The following NOP14 variants were observed in gnomAD, a reference collection of about 807,000 sequenced individuals.
NOP14 encodes NOP14 nucleolar protein, also known as nucleolar protein 14.
NOP14 carries 57 observed loss-of-function variants against 101.6 expected under a neutral mutation model. The ratio of observed to expected loss-of-function variants is 0.56; its 90% CI spans 0.45 to 0.70. NOP14 has a LOEUF of 0.70. NOP14 is among the 30% of genes least tolerant of loss of function. The pLI is 0.00. For synonymous variants in NOP14, 428 were observed against 424.0 expected (o/e 1.01, Z -0.12); for missense variants, 1,134 against 1,075.5 (o/e 1.05, Z -0.76).
In NOP14 at chr4:2,948,206, A is replaced by G; in HGVS notation, c.1413+72T>C. ...GCACACATGGCCGTTGCACAACTTC[A>G]CACAATTCTGGCATTCATATACGGG... is the stretch of plus-strand genomic sequence containing the variant. On this transcript the variant is annotated intron_variant, in intron 9 of 17. Coordinates refer to ENST00000416614, the MANE Select transcript of NOP14 (RefSeq NM_001291978.2). 8 of 1,504,080 alleles carry G rather than the reference A, an allele frequency of 5.3e-6. No homozygotes were observed. In the South Asian group the frequency reaches 1.1e-4, roughly 21 times the overall value. The allele number at this position is 1,504,080 out of a possible 1,614,324, so 93.2% of individuals were successfully genotyped here. A position where few individuals can be genotyped will look rare whatever the true frequency, so the allele number is the denominator to read the frequency against.
At chr4:2,957,505 G>T in intron 2 of NOP14, 101 bp downstream of exon 2, 1 of 1,415,648 alleles carries the variant, frequency 7.1e-7, no homozygotes, top group Non-Finnish European at 9.7e-7. Context: ...GACCTTCCGA[G>T]TGCCCAGGAA....
chr4:2,954,420 C>T lies in NOP14; in HGVS notation c.612+4G>A, dbSNP rs1715210934. 7 of 1,613,752 alleles carry T rather than the reference C, an allele frequency of 4.3e-6. No homozygotes were observed. The Admixed American group carries it at 8.3e-5, about 19-fold the overall frequency. ...AAGATGATCAAGAACACTCACTAAC[C>T]CACCTTCTCTTGTTTTGACTTGGCA... is the stretch of plus-strand genomic sequence containing the variant. On this transcript the variant is annotated splice_donor_region_variant and intron_variant, in intron 4 of 17. Coordinates refer to ENST00000416614, the MANE Select transcript of NOP14 (RefSeq NM_001291978.2).
intron 4 of NOP14, 99 bp from the exon 5 acceptor site, chr4:2,953,744 A>G: frequency 6.7e-6 from 9 of 1,347,872 alleles, no homozygotes; most frequent in Non-Finnish European, 9.2e-6. Flanking sequence ...GTGATCACTC[A>G]GTTGGCACCA....
intron 15 of NOP14, chr4:2,941,364 G>A: frequency 1.8e-6 from 1 of 554,670 alleles, no homozygotes; most frequent in Non-Finnish European, 3.2e-6. Context: ...ACAGTTCCCA[G>A]CTGCCGCCTG....
Position 2,939,539 on chromosome 4 carries a change from C to T in NOP14, c.2306G>A (p.Arg769Gln), listed in dbSNP as rs79615184. 812 of 1,613,758 alleles carry T rather than the reference C, an allele frequency of 5.0e-4. 8 individuals carry two copies. The East Asian group carries it at 0.014, about 28-fold the overall frequency. Residue 769 changes from arginine to glutamine, a missense_variant, in exon 16 of 18, where the codon CGG becomes CAG. Coordinates refer to ENST00000416614, the MANE Select transcript of NOP14 (RefSeq NM_001291978.2). Reference sequence around the variant, plus strand: ...TGCCAGCACCCACACTTTGACCAGCCGGGGTGTGAAAAGCTTCAGTGGGAC... The same window carrying T: ...TGCCAGCACCCACACTTTGACCAGCTGGGGTGTGAAAAGCTTCAGTGGGAC... The part of the protein sequence containing the change: ...KPVPLKLFTP[R>Q]LVKVLEFGRK...
intron 1 of NOP14, among the ~76,000 whole-genome samples, chr4:2,961,075 T>C (rs1464120366): frequency 2.4e-4 from 28 of 114,582 alleles, no homozygotes; most frequent in South Asian, 9.9e-4. Flanking sequence ...ATATTAATAC[T>C]ATATTAATAT....
rs185684679 is a variant in NOP14, at chr4:2,957,191, G to A, written c.331-380C>T. Among the ~76,000 whole-genome samples the A allele has an allele frequency of 5.1e-3, 781 of 152,196 alleles. 4 individuals are homozygous for A. The highest frequency in any genetic ancestry group is 8.5e-3 in the Non-Finnish European group (580 of 67,992). On this transcript the variant is annotated intron_variant, in intron 2 of 17. Transcript: ENST00000416614. ...TAATTTTTGTATTTTTAGTAGAGACGGGGTTTCATCACGTTGGCCAGGATG... is the reference window on the plus strand; with the variant it reads ...TAATTTTTGTATTTTTAGTAGAGACAGGGTTTCATCACGTTGGCCAGGATG...
At chr4:2,953,301 A>AAG (rs985953887) in intron 5 of NOP14, among the ~76,000 whole-genome samples, 3 of 152,206 alleles carry the variant, frequency 2.0e-5, no homozygotes, top group African/African-American at 7.2e-5. Flanking sequence ...CACTTTTTTC[A>AAG]GTTTAATTCA....
rs1714658775 is a variant in NOP14, at chr4:2,946,531, A to C, written c.1516T>G (p.Cys506Gly). The change falls in exon 11 of 18, where the codon TGC (cysteine) becomes GGC (glycine). Residue 506 changes from cysteine (C) to glycine (G), a missense_variant. Cys to Gly is a radical substitution (Grantham distance 159). Coordinates refer to ENST00000416614, the MANE Select transcript of NOP14 (RefSeq NM_001291978.2). ...DKLVVHLYHL[C>G]QMFPESASDA... ...CTTGCAGATTCAGGAAACATCTGGCAAAGATGATATAAGTGCCTGTTAAGC... is the reference window on the plus strand; with the variant it reads ...CTTGCAGATTCAGGAAACATCTGGCCAAGATGATATAAGTGCCTGTTAAGC... The C allele has an allele frequency of 5.0e-6, 8 of 1,614,098 alleles. No homozygotes were observed. In the South Asian group the frequency reaches 8.8e-5, roughly 18 times the overall value.
rs1317829372 is a variant in NOP14 at position 2,950,218 on chromosome 4, C to G, written c.1003-5G>C. On this transcript the variant is annotated splice_polypyrimidine_tract_variant and splice_region_variant and intron_variant, in intron 7 of 17. Transcript: ENST00000416614. The stretch of plus-strand genomic sequence containing the variant: ...CTCGACATTCATCTTTCCATCCTAC[C>G]AAGAGCGTGGAAACCACAGGGCATG... 6.2e-7 allele frequency: 1 copy of G among 1,612,898 alleles called. No homozygotes were observed. Among genetic ancestry groups the G allele is most frequent in the Non-Finnish European group, 8.5e-7 (1 of 1,179,942 alleles).
chr4:2,960,073 A>G (rs570157668), intron 1 of NOP14, among the ~76,000 whole-genome samples: 5 of 151,958 alleles, frequency 3.3e-5, no homozygotes, highest in Non-Finnish European at 7.4e-5. Context: ...GGGTTCAAGC[A>G]ATTCTCCTGC....
rs377391354 is a variant in NOP14 at position 2,951,291 on chromosome 4, T to C, written c.871-46A>G. The C allele has an allele frequency of 2.5e-6, 4 of 1,596,646 alleles. No individual in the cohort carries two copies. The African/African-American group carries it at 5.4e-5, about 21-fold the overall frequency. On this transcript the variant is annotated intron_variant, in intron 6 of 17. Coordinates refer to ENST00000416614, the MANE Select transcript of NOP14 (RefSeq NM_001291978.2). Reference sequence around the variant, plus strand: ...TGTCTTAGAGCACACTCTTCCAACATATGGTGAGGGGGCCGTGCAGTCCTG... The same window carrying C: ...TGTCTTAGAGCACACTCTTCCAACACATGGTGAGGGGGCCGTGCAGTCCTG...
chr4:2,957,965 T>C (rs559362310), intron 1 of NOP14, among the ~76,000 whole-genome samples: 10 of 152,308 alleles, frequency 6.6e-5, no homozygotes, highest in Admixed American at 1.3e-4. Context: ...TTTTCTTCTT[T>C]AGAGTCTACC....
At chr4:2,947,340 C>G (rs1714726201) in intron 10 of NOP14, 186 bp downstream of exon 10, 1 of 595,348 alleles carries the variant, frequency 1.7e-6, no homozygotes, top group Admixed American at 3.1e-5. Flanking sequence ...GCTGGAGCGG[C>G]ACGTGTGAGA....
intron 6 of NOP14, 62 bp from the exon 7 acceptor site, chr4:2,951,307 T>G: frequency 6.5e-7 from 1 of 1,539,354 alleles, no homozygotes; most frequent in South Asian, 1.1e-5. Context: ...GAGGGGGCCG[T>G]GCAGTCCTGC....
At chr4:2,947,337 C>G (rs372841575) in intron 10 of NOP14, 189 bp downstream of exon 10, 6 of 593,062 alleles carry the variant, frequency 1.0e-5, no homozygotes, top group South Asian at 2.0e-5. Context: ...GTGGCTGGAG[C>G]GGCACGTGTG....
Position 2,963,059 on chromosome 4 carries a change from C to G in NOP14, c.195+66G>C, listed in dbSNP as rs961530882. 17 of 1,439,022 alleles carry G rather than the reference C, an allele frequency of 1.2e-5. No individual in the cohort carries two copies. In the African/African-American group the frequency reaches 2.2e-4, roughly 19 times the overall value. 89.1% of individuals were successfully genotyped at this position (1,439,022 alleles called of 1,614,324 possible). On this transcript the variant is annotated intron_variant, in intron 1 of 17. Coordinates refer to ENST00000416614, the MANE Select transcript of NOP14 (RefSeq NM_001291978.2). ...GGAAACCGACGCACCGAGAAGGACG[C>G]AGCCGGCCGAGAGCAGCGTGGGGTC... is the stretch of plus-strand genomic sequence containing the variant.
chr4:2,961,158 T>A (rs1240298549), intron 1 of NOP14, among the ~76,000 whole-genome samples: 1 of 21,504 alleles, frequency 4.7e-5, no homozygotes, highest in Non-Finnish European at 6.9e-5. Flanking sequence ...TATAATAATA[T>A]ATTAATATGC....
At chr4:2,961,127 A>C (rs1577857740) in intron 1 of NOP14, among the ~76,000 whole-genome samples, 2 of 83,722 alleles carry the variant, frequency 2.4e-5, no homozygotes, top group East Asian at 2.9e-4. Context: ...TTAATATTAT[A>C]ATAATATATT....
Sources: allele counts gnomAD v4.1 joint callset (sites outside exome capture counted in the v4.1 genomes callset), GRCh38; gene constraint gnomAD v4.1.1; transcripts MANE v1.5; gene names NCBI Gene and HGNC (gene_info 2026-07-23, HGNC 2026-07-21).